Variants in NTM observed in about 807,000 individuals in gnomAD.
NTM encodes IgLON family member 2.
NTM carries 13 observed loss-of-function variants against 42.1 expected under a neutral mutation model. The ratio of observed to expected loss-of-function variants is 0.31; its 90% CI spans 0.20 to 0.49. The LOEUF (loss-of-function observed/expected upper bound fraction) is 0.49, where lower values mean the gene tolerates loss of function less well. Among genes scored for constraint, NTM ranks in the 20% least tolerant of loss-of-function variants. The probability of loss-of-function intolerance (pLI) is 0.99; values close to 1 mark genes in which losing one functional copy is unlikely to be tolerated. For missense variants in NTM, 373 were observed against 452.8 expected (o/e 0.82, Z 1.60); for synonymous variants, 187 against 179.2 (o/e 1.04, Z -0.35).
At chr11:132,102,769 A>G (rs1439536346) in intron 2 of NTM, among the ~76,000 whole-genome samples, 2 of 152,108 alleles carry the variant, frequency 1.3e-5, no homozygotes, top group Non-Finnish European at 2.9e-5. Flanking sequence ...GAGAGATGCC[A>G]TGCATTTCTG....
chr11:131,465,955 C>T (rs542165950), intron 1 of NTM, among the ~76,000 whole-genome samples: 2 of 152,362 alleles, frequency 1.3e-5, no homozygotes, highest in Admixed American at 1.3e-4. Context: ...CACAAGGGGG[C>T]ATGGCCCTTT....
At chr11:132,285,931 T>C (rs1378303675) in intron 4 of NTM, among the ~76,000 whole-genome samples, 3 of 152,166 alleles carry the variant, frequency 2.0e-5, no homozygotes, top group Non-Finnish European at 4.4e-5. Flanking sequence ...GGCTGCATCA[T>C]GAGAAAAATG....
chr11:131,802,774 CTG>C (rs1337950209), intron 1 of NTM, among the ~76,000 whole-genome samples: 2 of 152,242 alleles, frequency 1.3e-5, no homozygotes, highest in African/African-American at 4.8e-5. Context: ...GCCTGAGAAA[CTG>C]TGAAAAGAAA....
intron 2 of NTM, among the ~76,000 whole-genome samples, chr11:132,123,718 G>C (rs763101191): frequency 1.3e-5 from 2 of 152,196 alleles, no homozygotes; most frequent in East Asian, 1.9e-4. Flanking sequence ...AGAATGGACC[G>C]TGTGCTAAAG....
intron 1 of NTM, among the ~76,000 whole-genome samples, chr11:131,427,262 A>G (rs557685079): frequency 7.2e-5 from 11 of 152,118 alleles, no homozygotes; most frequent in Non-Finnish European, 1.0e-4. Flanking sequence ...GAACCCAAAT[A>G]AGGTCTGGGA....
intron 1 of NTM, among the ~76,000 whole-genome samples, chr11:131,689,888 T>C (rs757379029): frequency 3.3e-5 from 5 of 152,230 alleles, no homozygotes; most frequent in Non-Finnish European, 7.3e-5. Flanking sequence ...CGTATACCTA[T>C]TACCTGGGTA....
chr11:131,520,035 G>C (rs1009020592), intron 1 of NTM, among the ~76,000 whole-genome samples: 1 of 152,012 alleles, frequency 6.6e-6, no homozygotes, highest in Non-Finnish European at 1.5e-5. Flanking sequence ...TTCATAGGAG[G>C]CTGCACCTTT....
chr11:131,427,096 A>C (rs1274150044), intron 1 of NTM, among the ~76,000 whole-genome samples: 1 of 152,034 alleles, frequency 6.6e-6, no homozygotes, highest in Admixed American at 6.6e-5. Context: ...GTTAGGTTGC[A>C]TCTGGGATGC....
intron 1 of NTM, among the ~76,000 whole-genome samples, chr11:131,750,002 C>T (rs76948241): frequency 0.084 from 12,771 of 152,194 alleles, 609 homozygotes; most frequent in East Asian, 0.14. Context: ...GCAGTTGCTC[C>T]GAGAATGCCA....
chr11:131,911,017 T>C (rs2054808986), intron 1 of NTM: 1 of 1,018,544 alleles, frequency 9.8e-7, no homozygotes, highest in Non-Finnish European at 1.2e-6. Context: ...TACAAAGTGT[T>C]GGATGTCCCC....
intron 1 of NTM, among the ~76,000 whole-genome samples, chr11:131,508,355 G>T (rs200870118): frequency 6.9e-6 from 1 of 144,368 alleles, no homozygotes; most frequent in Non-Finnish European, 1.5e-5. Flanking sequence ...ACACCAGTTA[G>T]AATGGCAATC....
chr11:131,559,861 C>T (rs1004604078), intron 1 of NTM, among the ~76,000 whole-genome samples: 11 of 152,118 alleles, frequency 7.2e-5, no homozygotes, highest in Admixed American at 6.5e-4. Context: ...AAAGTGTATA[C>T]ATCCCTTCTG....
chr11:131,855,123 CAG>C (rs780477495), intron 1 of NTM, among the ~76,000 whole-genome samples: 55 of 152,064 alleles, frequency 3.6e-4, no homozygotes, highest in Non-Finnish European at 6.8e-4. Context: ...TCTAGATCAT[CAG>C]AATGAAGAAG....
At chr11:131,926,934 C>T (rs115032626) in intron 2 of NTM, among the ~76,000 whole-genome samples, 1,718 of 152,268 alleles carry the variant, frequency 0.011, 24 homozygotes, top group African/African-American at 0.038. Context: ...TCCAATTTGA[C>T]GTTTTACCTG....
At chr11:131,919,284 A>G (rs1275159693) in intron 2 of NTM, among the ~76,000 whole-genome samples, 1 of 152,172 alleles carries the variant, frequency 6.6e-6, no homozygotes, top group Non-Finnish European at 1.5e-5. Flanking sequence ...CTCAGGAGTA[A>G]GTTGATGGGT....
chr11:131,911,427 C>A, intron 1 of NTM, 137 bp from the exon 2 acceptor site: 1 of 1,610,872 alleles, frequency 6.2e-7, no homozygotes, highest in East Asian at 2.2e-5. Flanking sequence ...TGTGCTCGCC[C>A]GGGGGGCGTG....
At chr11:131,709,160 GATA>G (rs1479442456) in intron 1 of NTM, among the ~76,000 whole-genome samples, 1 of 152,134 alleles carries the variant, frequency 6.6e-6, no homozygotes, top group African/African-American at 2.4e-5. Flanking sequence ...GGAAGGACAG[GATA>G]ATAAGAGTAA....
At chr11:131,592,687 C>CACACACACA (rs2059484127) in intron 1 of NTM, among the ~76,000 whole-genome samples, 1 of 136,476 alleles carries the variant, frequency 7.3e-6, no homozygotes, top group Non-Finnish European at 1.6e-5. Flanking sequence ...CACACACACA[C>CACACACACA]CATAGTTCAA....
intron 1 of NTM, among the ~76,000 whole-genome samples, chr11:131,711,594 C>T (rs2077139784): frequency 6.6e-6 from 1 of 152,138 alleles, no homozygotes; most frequent in Non-Finnish European, 1.5e-5. Context: ...GGATCTAGAA[C>T]TAGAAATACC....
Sources: gnomAD v4.1 joint callset for allele counts (sites outside exome capture counted in the v4.1 genomes callset) on GRCh38, gnomAD v4.1.1 for gene constraint, MANE v1.5 for transcripts, NCBI Gene and HGNC (gene_info 2026-07-23, HGNC 2026-07-21) for gene names.